The following CXXC4 variants were observed in gnomAD, a reference collection of about 807,000 sequenced individuals.
CXXC4 encodes CXXC finger protein 4.
CXXC4 carries 5 observed loss-of-function variants against 20.5 expected under a neutral mutation model. The observed-to-expected ratio is 0.24, with a 90% confidence interval of 0.13 to 0.51. CXXC4 has a LOEUF of 0.51. CXXC4 is among the 20% of genes least tolerant of loss of function. CXXC4 has a pLI of 0.97. For missense variants in CXXC4, 419 were observed against 496.4 expected, an observed-to-expected ratio of 0.84 and a Z score of 1.48; for synonymous variants, 250 against 216.4, an observed-to-expected ratio of 1.16 and a Z score of -1.36.
At chr4:104,473,819 A>G (rs1268157350) in intron 2 of CXXC4, among the ~76,000 whole-genome samples, 1 of 151,924 alleles carries the variant, frequency 6.6e-6, no homozygotes, top group Non-Finnish European at 1.5e-5. Flanking sequence ...TGGATTTCAG[A>G]AAATAAACAC....
intron 2 of CXXC4, among the ~76,000 whole-genome samples, chr4:104,487,357 G>A (rs1457391726): frequency 6.6e-6 from 1 of 152,156 alleles, no homozygotes; most frequent in Non-Finnish European, 1.5e-5. Flanking sequence ...CTGTCCCACA[G>A]AGATCAATCA....
rs34493088 is a variant in CXXC4 at position 104,472,172 on chromosome 4, CTTT to C, written c.*147_*149del. ...TTATGTCTTTTTCTTTTCTTTTCCT[CTTT>C]TTTTTTTTTTTTGAAGAAAGCCCTA... On this transcript the variant is annotated 3_prime_UTR_variant, in exon 3 of 3. Transcript: ENST00000394767. 4.2e-4 allele frequency: 154 copies of C among 367,562 alleles called. No homozygotes were observed. Among genetic ancestry groups the C allele is most frequent in the East Asian group, 8.3e-4 (21 of 25,176 alleles). 22.8% of individuals were successfully genotyped at this position (367,562 alleles called of 1,614,324 possible).
rs1345359608 is a variant in CXXC4 at position 104,471,342 on chromosome 4, C to T, written c.*980G>A. 5 of 151,780 alleles carry T rather than the reference C, an allele frequency of 3.3e-5. No individual in the cohort carries two copies. The East Asian group carries it at 5.8e-4, about 18-fold the overall frequency. The allele number at this position is 151,780 out of a possible 1,614,324, so 9.4% of individuals were successfully genotyped here. ...AGAAAAAAATTAAGAAACAATAAAA[C>T]GTATACAGCCCATATTGGGCTGGGG... On this transcript the variant is annotated 3_prime_UTR_variant, in exon 3 of 3. Transcript: ENST00000394767.
chr4:104,490,711 G>C (rs200763798), intron 2 of CXXC4, 33 bp downstream of exon 2: 49 of 1,555,226 alleles, frequency 3.2e-5, no homozygotes, highest in African/African-American at 2.3e-4. Context: ...GGGAAGGGGG[G>C]AGACTGGGAA....
intron 1 of CXXC4, among the ~76,000 whole-genome samples, chr4:104,494,147 G>C (rs897540364): frequency 6.6e-6 from 1 of 151,920 alleles, no homozygotes; most frequent in Non-Finnish European, 1.5e-5. Flanking sequence ...GCATGAAAAA[G>C]GTATCTAAGC....
chr4:104,486,103 T>G (rs1394588469), intron 2 of CXXC4, among the ~76,000 whole-genome samples: 1 of 152,124 alleles, frequency 6.6e-6, no homozygotes, highest in Non-Finnish European at 1.5e-5. Context: ...CAAATGAATT[T>G]TAATTACTTT....
intron 2 of CXXC4, among the ~76,000 whole-genome samples, chr4:104,482,355 G>A (rs1736577410): frequency 6.6e-6 from 1 of 152,076 alleles, no homozygotes; most frequent in African/African-American, 2.4e-5. Context: ...GCATTACAAA[G>A]AAGAGCTAAT....
intron 2 of CXXC4, chr4:104,475,394 T>C (rs1431005458): frequency 6.6e-6 from 1 of 152,112 alleles, no homozygotes; most frequent in Non-Finnish European, 1.5e-5. Context: ...CAAAACTCTT[T>C]AGGGTCCTGT....
intron 2 of CXXC4, among the ~76,000 whole-genome samples, chr4:104,487,148 A>G (rs1198294078): frequency 6.6e-6 from 1 of 152,180 alleles, no homozygotes; most frequent in Non-Finnish European, 1.5e-5. Flanking sequence ...CTGACTTTCC[A>G]GTCTCTCAAT....
At chr4:104,489,947 C>A (rs1161709065) in intron 2 of CXXC4, among the ~76,000 whole-genome samples, 1 of 152,172 alleles carries the variant, frequency 6.6e-6, no homozygotes, top group Non-Finnish European at 1.5e-5. Context: ...TTGTCCAATG[C>A]AGAGCCCAGG....
At chr4:104,479,246 G>C (rs1736495681) in intron 2 of CXXC4, among the ~76,000 whole-genome samples, 1 of 151,908 alleles carries the variant, frequency 6.6e-6, no homozygotes, top group Non-Finnish European at 1.5e-5. Flanking sequence ...TAAAATACTA[G>C]AAAATGAGAA....
chr4:104,477,892 G>A (rs1278407989), intron 2 of CXXC4, among the ~76,000 whole-genome samples: 1 of 151,856 alleles, frequency 6.6e-6, no homozygotes, highest in Non-Finnish European at 1.5e-5. Context: ...ATAACTGTAT[G>A]TCTTTGGTAT....
intron 2 of CXXC4, among the ~76,000 whole-genome samples, chr4:104,484,319 T>C (rs575874991): frequency 6.6e-6 from 1 of 152,046 alleles, no homozygotes; most frequent in Non-Finnish European, 1.5e-5. Flanking sequence ...GTTCAACTAT[T>C]AAGTTACTTG....
intron 2 of CXXC4, among the ~76,000 whole-genome samples, chr4:104,474,653 CAT>C (rs1033399387): frequency 3.9e-5 from 6 of 151,930 alleles, no homozygotes; most frequent in Admixed American, 2.0e-4. Context: ...GAAAAATAAA[CAT>C]GTGCATATAT....
rs773309627 is a variant in CXXC4 at position 104,491,341 on chromosome 4, G to A, written c.462C>T (p.Pro154=). The A allele has an allele frequency of 2.6e-6, 4 of 1,547,072 alleles. No homozygotes were observed. The highest frequency in any genetic ancestry group is 2.4e-5 in the South Asian group (2 of 83,976). The part of the protein sequence containing the change: ...SSASSSSAIL[P]AGGGGGGGGG... The stretch of plus-strand genomic sequence containing the variant: ...CGCCGCCGCCGCCGCCACCGCCGGC[G>A]GGGAGGATCGCCGAGGAGGAGGAGG... Residue 154 remains proline (P), a synonymous_variant, in exon 2 of 3, where the codon CCC becomes CCT. Coordinates refer to ENST00000394767, the MANE Select transcript of CXXC4 (RefSeq NM_025212.4).
At chr4:104,475,529 G>T (rs1243216491) in intron 2 of CXXC4, among the ~76,000 whole-genome samples, 1 of 152,078 alleles carries the variant, frequency 6.6e-6, no homozygotes, top group East Asian at 1.9e-4. Flanking sequence ...TGTTTTAATA[G>T]ATAAAATATT....
chr4:104,490,664 C>T, intron 2 of CXXC4, 80 bp downstream of exon 2: 1 of 1,282,510 alleles, frequency 7.8e-7, no homozygotes, highest in South Asian at 1.4e-5. Context: ...CATCTTGAAG[C>T]CAGACAAGAA....
intron 2 of CXXC4, among the ~76,000 whole-genome samples, chr4:104,477,892 G>T (rs1278407989): frequency 1.3e-5 from 2 of 151,856 alleles, no homozygotes; most frequent in African/African-American, 2.4e-5. Context: ...ATAACTGTAT[G>T]TCTTTGGTAT....
chr4:104,491,623 C>T lies in CXXC4; in HGVS notation c.180G>A (p.Ala60=). 1.3e-6 allele frequency: 2 copies of T among 1,543,242 alleles called. No homozygotes were observed. Among genetic ancestry groups the T allele is most frequent in the East Asian group, 2.5e-5 (1 of 40,052 alleles). ...GGGTGGTGATGCGCGCGATCTTGGC[C>T]GCCTGTGGGAAGGCGCCCCCGTTGG... is the stretch of plus-strand genomic sequence containing the variant. ...YKTNGGAFPQ[A]AKIARITTPI... The change falls in exon 2 of 3, where the codon GCG becomes GCA. Residue 60 remains alanine (A), a synonymous_variant. Coordinates refer to ENST00000394767, the MANE Select transcript of CXXC4 (RefSeq NM_025212.4).
Sources: gnomAD v4.1 joint callset for allele counts (sites outside exome capture counted in the v4.1 genomes callset) on GRCh38, gnomAD v4.1.1 for gene constraint, MANE v1.5 for transcripts, NCBI Gene and HGNC (gene_info 2026-07-23, HGNC 2026-07-21) for gene names.